RBFOX1: variants seen among roughly 807,000 people sequenced by gnomAD.
RBFOX1 encodes the protein RNA binding protein fox-1 homolog 1.
Under a neutral mutation model 57.7 loss-of-function variants are expected in RBFOX1, and 8 were observed. The observed-to-expected ratio is 0.14, with a 90% confidence interval of 0.08 to 0.25. The LOEUF (loss-of-function observed/expected upper bound fraction) is 0.25. RBFOX1 is among the 10% of genes least tolerant of loss of function. The pLI is 1.00. For missense variants in RBFOX1, 611 were observed against 548.5 expected, an observed-to-expected ratio of 1.11 and a Z score of -1.14; for synonymous variants, 326 against 222.4, an observed-to-expected ratio of 1.47 and a Z score of -4.15.
intron 1 of RBFOX1, among the ~76,000 whole-genome samples, chr16:5,429,398 G>T (rs1029754385): frequency 6.6e-6 from 1 of 152,138 alleles, no homozygotes. Context: ...GGCGGGACTC[G>T]GGGGAGAGTG....
At chr16:7,132,844 C>T (rs1600507978) in intron 4 of RBFOX1, among the ~76,000 whole-genome samples, 1 of 152,072 alleles carries the variant, frequency 6.6e-6, no homozygotes, top group East Asian at 1.9e-4. Context: ...CAGTAACTGC[C>T]ATAAAGCAAG....
chr16:6,459,613 T>G (rs2153060939), intron 2 of RBFOX1, among the ~76,000 whole-genome samples: 2 of 152,218 alleles, frequency 1.3e-5, no homozygotes, highest in Middle Eastern at 6.8e-3. Context: ...TAATAAGGCA[T>G]CCATATATCC....
chr16:7,688,825 T>C (rs897562232), intron 14 of RBFOX1, among the ~76,000 whole-genome samples: 2 of 152,112 alleles, frequency 1.3e-5, no homozygotes, highest in African/African-American at 4.8e-5. Flanking sequence ...TTTTTAATTC[T>C]TTCTCTCAAT....
chr16:6,491,864 G>T (rs1357689464), intron 2 of RBFOX1, among the ~76,000 whole-genome samples: 3 of 152,140 alleles, frequency 2.0e-5, no homozygotes, highest in African/African-American at 7.2e-5. Context: ...TAACATTGGT[G>T]AAAAATGAAT....
chr16:5,803,065 G>C (rs1597316827), intron 3 of RBFOX1, among the ~76,000 whole-genome samples: 1 of 152,180 alleles, frequency 6.6e-6, no homozygotes, highest in African/African-American at 2.4e-5. Flanking sequence ...TGCAGTTGCA[G>C]ACCATCTTTA....
At chr16:6,740,703 G>C (rs970904382) in intron 3 of RBFOX1, among the ~76,000 whole-genome samples, 1 of 152,190 alleles carries the variant, frequency 6.6e-6, no homozygotes, top group Non-Finnish European at 1.5e-5. Flanking sequence ...ATTATCAAAT[G>C]CTGATGAAAA....
chr16:6,550,669 C>A (rs957739725), intron 2 of RBFOX1, among the ~76,000 whole-genome samples: 1 of 152,196 alleles, frequency 6.6e-6, no homozygotes, highest in Non-Finnish European at 1.5e-5. Context: ...TGAGCTTTTT[C>A]CAGCATGAGC....
chr16:5,421,617 A>C lies in RBFOX1; in HGVS notation c.220-45599A>C, dbSNP rs923016820. On this transcript the variant is annotated intron_variant, in intron 1 of 2. Transcript: ENST00000585867. ...CCCAAGAAGAAAATCAATCACCCCC[A>C]CCCCGGGAGGACCTGGGAACACAGA... Among the ~76,000 whole-genome samples, 7 of 152,180 alleles carry C rather than the reference A, an allele frequency of 4.6e-5. No individual in the cohort carries two copies. In the East Asian group the frequency reaches 1.4e-3, roughly 30 times the overall value.
intron 2 of RBFOX1, among the ~76,000 whole-genome samples, chr16:5,591,786 T>G (rs7190049): frequency 0.2 from 29,929 of 152,078 alleles, 3,265 homozygotes; most frequent in East Asian, 0.32. Context: ...ATGGAATTTA[T>G]GTTGTTCCCA....
At chr16:7,276,803 C>G (rs188167805) in intron 4 of RBFOX1, among the ~76,000 whole-genome samples, 15 of 152,272 alleles carry the variant, frequency 9.9e-5, no homozygotes, top group Middle Eastern at 3.4e-3. Context: ...CAAAAATGTT[C>G]TTAAGGATAG....
chr16:7,101,160 TAGTC>T (rs2062624105), intron 4 of RBFOX1, among the ~76,000 whole-genome samples: 1 of 152,194 alleles, frequency 6.6e-6, no homozygotes, highest in African/African-American at 2.4e-5. Context: ...AGTATTAATT[TAGTC>T]AGAGCTATGC....
At chr16:7,165,416 A>AATAATAATGATTATT (rs1364318668) in intron 4 of RBFOX1, among the ~76,000 whole-genome samples, 1 of 147,920 alleles carries the variant, frequency 6.8e-6, no homozygotes, top group East Asian at 2.0e-4. Context: ...TAATGATAAT[A>AATAATAATGATTATT]ATCATTATTA....
intron 1 of RBFOX1, among the ~76,000 whole-genome samples, chr16:5,310,246 A>T (rs574774419): frequency 6.6e-6 from 1 of 152,270 alleles, no homozygotes; most frequent in African/African-American, 2.4e-5. Flanking sequence ...TACAAAAAAT[A>T]CAAAAATTAG....
At chr16:5,423,041 TG>T (rs1323375236) in intron 1 of RBFOX1, among the ~76,000 whole-genome samples, 2 of 18,502 alleles carry the variant, frequency 1.1e-4, no homozygotes, top group Non-Finnish European at 2.0e-4. Flanking sequence ...GAGGGAGGAG[TG>T]GGGAGAGGGA....
chr16:5,383,823 C>G (rs966442676), intron 1 of RBFOX1, among the ~76,000 whole-genome samples: 2 of 152,176 alleles, frequency 1.3e-5, no homozygotes, highest in Non-Finnish European at 2.9e-5. Context: ...CTCTTACTTT[C>G]TTTAGTAGAA....
intron 7 of RBFOX1, among the ~76,000 whole-genome samples, chr16:7,593,828 G>T (rs1341448801): frequency 2.0e-5 from 3 of 152,118 alleles, no homozygotes; most frequent in Non-Finnish European, 4.4e-5. Flanking sequence ...CTAATCTGTA[G>T]TGGATTCTGA....
intron 3 of RBFOX1, among the ~76,000 whole-genome samples, chr16:5,666,828 C>T (rs2049860433): frequency 6.6e-6 from 1 of 152,162 alleles, no homozygotes; most frequent in Admixed American, 6.5e-5. Context: ...TGGGGTAACT[C>T]CGGATTTTCA....
rs537145250 is a variant in RBFOX1, at chr16:7,282,315, C to T, written c.27+230217C>T. Among the ~76,000 whole-genome samples the T allele has an allele frequency of 7.9e-5, 12 of 152,312 alleles. No homozygotes were observed. The South Asian group carries it at 1.7e-3, about 21-fold the overall frequency. ...CATTTATTCCTGGATGCCACAGTTA[C>T]TTGTTCACCCCCAACTCATTGCAAG... On this transcript the variant is annotated intron_variant, in intron 4 of 15. Transcript: ENST00000550418.
At chr16:5,429,938 A>G (rs2067678553) in intron 1 of RBFOX1, among the ~76,000 whole-genome samples, 1 of 152,142 alleles carries the variant, frequency 6.6e-6, no homozygotes, top group African/African-American at 2.4e-5. Context: ...CTTCACTCTG[A>G]AGGTTTGTGG....
Sources: gnomAD v4.1 joint callset for allele counts (sites outside exome capture counted in the v4.1 genomes callset) on GRCh38, gnomAD v4.1.1 for gene constraint, MANE v1.5 for transcripts, NCBI Gene and HGNC (gene_info 2026-07-23, HGNC 2026-07-21) for gene names.